IMMP2L: variants seen among roughly 807,000 people sequenced by gnomAD.
IMMP2L encodes inner mitochondrial membrane peptidase subunit 2.
Under a neutral mutation model 19.3 loss-of-function variants are expected in IMMP2L, and 18 were observed. The observed-to-expected ratio is 0.93, with a 90% CI of 0.64 to 1.38. The LOEUF (loss-of-function observed/expected upper bound fraction) is 1.38. Among genes scored for constraint, IMMP2L ranks in the 40% most tolerant of loss-of-function variants. The pLI is 0.00. For synonymous variants in IMMP2L, 76 were observed against 73.0 expected, an observed-to-expected ratio of 1.04 and a Z score of -0.21; for missense variants, 233 against 218.2, an observed-to-expected ratio of 1.07 and a Z score of -0.43.
intron 3 of IMMP2L, among the ~76,000 whole-genome samples, chr7:111,142,991 T>A (rs1803098297): frequency 6.6e-6 from 1 of 152,170 alleles, no homozygotes; most frequent in Non-Finnish European, 1.5e-5. Flanking sequence ...AGACTATATA[T>A]TTACTTTTAC....
intron 5 of IMMP2L, among the ~76,000 whole-genome samples, chr7:110,841,209 G>GAT (rs57528424): frequency 0.012 from 1,789 of 151,558 alleles, 40 homozygotes; most frequent in African/African-American, 0.04. Flanking sequence ...ATTATGTTTT[G>GAT]ATATATATAT....
chr7:110,760,198 TC>T lies in IMMP2L; in HGVS notation c.409-96478del, dbSNP rs1798269691. Among the ~76,000 whole-genome samples the T allele has an allele frequency of 1.3e-5, 2 of 152,118 alleles. No individual in the cohort carries two copies. Among genetic ancestry groups the T allele is most frequent in the Non-Finnish European group, 2.9e-5 (2 of 68,024 alleles). On this transcript the variant is annotated intron_variant, in intron 5 of 5. Coordinates refer to ENST00000405709, the MANE Select transcript of IMMP2L (RefSeq NM_032549.4). The surrounding 1 kb of genome is among the most constrained non-coding windows in gnomAD (Gnocchi z 4.2). ...GAGAATTCAGTCTCAATTCTCCACG[TC>T]CAGGCCTAAGATAGTATCATTCCCT...
intron 4 of IMMP2L, among the ~76,000 whole-genome samples, chr7:110,927,243 AG>A (rs1195535325): frequency 1.3e-5 from 2 of 151,922 alleles, no homozygotes; most frequent in Admixed American, 1.3e-4. Flanking sequence ...AACATATATA[AG>A]GAGTTCAACT....
At chr7:111,330,004 A>G (rs1825720250) in intron 3 of IMMP2L, among the ~76,000 whole-genome samples, 1 of 151,946 alleles carries the variant, frequency 6.6e-6, no homozygotes, top group African/African-American at 2.4e-5. Context: ...AAAACAGAAG[A>G]AAACCATAAC....
intron 3 of IMMP2L, among the ~76,000 whole-genome samples, chr7:111,058,625 C>T (rs994589767): frequency 6.6e-6 from 1 of 152,178 alleles, no homozygotes; most frequent in Non-Finnish European, 1.5e-5. Context: ...CAGTTTGCCA[C>T]ACTACCTTCT....
intron 5 of IMMP2L, among the ~76,000 whole-genome samples, chr7:110,785,352 G>A (rs1376515121): frequency 6.6e-6 from 1 of 151,822 alleles, no homozygotes; most frequent in Non-Finnish European, 1.5e-5. Flanking sequence ...AATTCTGTTG[G>A]TGGTGATTCC....
chr7:111,067,793 A>G (rs1411888761), intron 3 of IMMP2L, among the ~76,000 whole-genome samples: 1 of 152,214 alleles, frequency 6.6e-6, no homozygotes, highest in Non-Finnish European at 1.5e-5. Flanking sequence ...GGCCAAGTAT[A>G]TGCTCTTTCC....
At chr7:111,514,523 AT>A (rs1845717241) in intron 2 of IMMP2L, among the ~76,000 whole-genome samples, 1 of 151,934 alleles carries the variant, frequency 6.6e-6, no homozygotes, top group African/African-American at 2.4e-5. Context: ...TATAATAAAA[AT>A]ATATATATAT....
At chr7:110,833,487 G>A (rs1367328815) in intron 5 of IMMP2L, among the ~76,000 whole-genome samples, 3 of 150,288 alleles carry the variant, frequency 2.0e-5, no homozygotes, top group Non-Finnish European at 3.0e-5. Flanking sequence ...CAAAATTAGA[G>A]TATTTTTAAT....
At chr7:111,503,588 C>T (rs1018896800) in intron 2 of IMMP2L, among the ~76,000 whole-genome samples, 2 of 151,994 alleles carry the variant, frequency 1.3e-5, no homozygotes, top group African/African-American at 4.8e-5. Context: ...ACTGGCAAAC[C>T]AAATCCAGCA....
At chr7:111,318,393 AACAGATTGCAG>A (rs757375671) in intron 3 of IMMP2L, among the ~76,000 whole-genome samples, 1 of 152,154 alleles carries the variant, frequency 6.6e-6, no homozygotes, top group Non-Finnish European at 1.5e-5. Context: ...ATCTGGTAGT[AACAGATTGCAG>A]ACACATACAG....
chr7:111,540,004 TAATGATTCATAACAG>T (rs1387891625), intron 1 of IMMP2L, among the ~76,000 whole-genome samples: 1 of 152,162 alleles, frequency 6.6e-6, no homozygotes, highest in African/African-American at 2.4e-5. Flanking sequence ...ATCTTCAAGT[TAATGATTCATAACAG>T]AACACCAAAA....
intron 1 of IMMP2L, among the ~76,000 whole-genome samples, chr7:111,556,015 C>CATATATATATAT (rs1491205083): frequency 2.3e-4 from 3 of 13,314 alleles, no homozygotes; most frequent in Non-Finnish European, 1.0e-3. Flanking sequence ...CTTCTGTGTG[C>CATATATATATAT]ATGTATATAT....
rs561768738 is a variant in IMMP2L at position 110,732,287 on chromosome 7, T to A, written c.409-68566A>T. Among the ~76,000 whole-genome samples the A allele has an allele frequency of 3.3e-5, 5 of 152,350 alleles. No individual in the cohort carries two copies. In the South Asian group the frequency reaches 1.0e-3, roughly 32 times the overall value. On this transcript the variant is annotated intron_variant, in intron 5 of 5. Coordinates refer to ENST00000405709, the MANE Select transcript of IMMP2L (RefSeq NM_032549.4). ...AATATTTCCCTATATGTCAAGCATA[T>A]TCATTTTATTTCTTCCATTGATTAT...
In IMMP2L at chr7:111,476,604, T is replaced by C. The variant is rs372377774; in HGVS notation, c.239+10634A>G. ...AGGTGTCAGTGGGACTAGGTCCTTC[T>C]ATAGAAATCCCAGGATAATCTATTT... On this transcript the variant is annotated intron_variant, in intron 3 of 5. Coordinates refer to ENST00000405709, the MANE Select transcript of IMMP2L (RefSeq NM_032549.4). Among the ~76,000 whole-genome samples, 5 of 152,198 alleles carry C rather than the reference T, an allele frequency of 3.3e-5. No individual in the cohort carries two copies. In the East Asian group the frequency reaches 5.8e-4, roughly 18 times the overall value.
rs1010271337 is a variant in IMMP2L, at chr7:111,332,977, G to T, written c.239+154261C>A. Among the ~76,000 whole-genome samples, 8 of 151,998 alleles carry T rather than the reference G, an allele frequency of 5.3e-5. 1 individual carries two copies. Among genetic ancestry groups the T allele is most frequent in the African/African-American group, 1.4e-4 (6 of 41,400 alleles). On this transcript the variant is annotated intron_variant, in intron 3 of 5. Transcript: ENST00000405709. The stretch of plus-strand genomic sequence containing the variant: ...TCTGGAATACAGGAGATCCCTTAGG[G>T]TGTCTCTTAGTATTACCATGCCCTC...
intron 3 of IMMP2L, among the ~76,000 whole-genome samples, chr7:111,163,545 T>C (rs1361951415): frequency 6.6e-6 from 1 of 152,160 alleles, no homozygotes; most frequent in African/African-American, 2.4e-5. Flanking sequence ...TTCTGTCATC[T>C]GTATGTCTCT....
chr7:111,224,385 AG>A (rs1449902376), intron 3 of IMMP2L, among the ~76,000 whole-genome samples: 2 of 152,184 alleles, frequency 1.3e-5, no homozygotes, highest in Non-Finnish European at 2.9e-5. Context: ...TATCTGTCAC[AG>A]GAAAATTTCC....
intron 3 of IMMP2L, among the ~76,000 whole-genome samples, chr7:111,257,133 A>G (rs1289527196): frequency 2.0e-5 from 3 of 152,262 alleles, no homozygotes; most frequent in Non-Finnish European, 4.4e-5. Flanking sequence ...AAAAGAGAAA[A>G]ATCCAACAAA....
Sources: gnomAD v4.1 joint callset for allele counts (sites outside exome capture counted in the v4.1 genomes callset) on GRCh38, gnomAD v4.1.1 for gene constraint, Gnocchi (gnomAD v3.1) non-coding constraint, MANE v1.5 for transcripts, NCBI Gene and HGNC (gene_info 2026-07-23, HGNC 2026-07-21) for gene names.